The following SLF1 variants were observed in gnomAD, a reference collection of about 807,000 sequenced individuals.
SLF1 encodes the protein SMC5-SMC6 complex localization factor protein 1.
A neutral mutation model predicts 123.0 loss-of-function variants in SLF1; 105 were observed. The observed-to-expected ratio is 0.85, with a 90% CI of 0.73 to 1.00. The LOEUF is 1.00. Ranked by LOEUF, SLF1 falls within the 50% of genes least tolerant of loss-of-function variation. SLF1 has a pLI of 0.00. For synonymous variants in SLF1, 434 were observed against 406.6 expected, an observed-to-expected ratio of 1.07 and a Z score of -0.81; for missense variants, 1,239 against 1,223.0, an observed-to-expected ratio of 1.01 and a Z score of -0.20.
intron 1 of SLF1, among the ~76,000 whole-genome samples, chr5:94,621,644 C>T (rs915733683): frequency 7.9e-5 from 12 of 152,184 alleles, no homozygotes; most frequent in African/African-American, 2.9e-4. Context: ...CCGAAATTAA[C>T]ATCTGCCCAG....
intron 18 of SLF1, among the ~76,000 whole-genome samples, 174 bp downstream of exon 18, chr5:94,689,780 A>G (rs1752874052): frequency 6.6e-6 from 1 of 152,184 alleles, no homozygotes; most frequent in Admixed American, 6.5e-5. Flanking sequence ...TATGCAAAGA[A>G]AGTGATTGTT....
chr5:94,692,361 C>G, intron 20 of SLF1, 105 bp downstream of exon 20: 1 of 1,120,482 alleles, frequency 8.9e-7, no homozygotes, highest in Non-Finnish European at 1.2e-6. Flanking sequence ...AGGAAAGATG[C>G]CTTTATTTCA....
intron 12 of SLF1, among the ~76,000 whole-genome samples, chr5:94,669,636 G>A (rs1750211428): frequency 6.6e-6 from 1 of 151,926 alleles, no homozygotes; most frequent in African/African-American, 2.4e-5. Flanking sequence ...CATCATCACA[G>A]AAAGTTCAGT....
intron 15 of SLF1, among the ~76,000 whole-genome samples, chr5:94,685,789 C>T (rs949117801): frequency 2.1e-4 from 31 of 151,144 alleles, no homozygotes; most frequent in African/African-American, 7.3e-4. Context: ...GAGCCGAGAT[C>T]GCACCACTGC....
chr5:94,641,884 G>A (rs1017291872), intron 4 of SLF1, among the ~76,000 whole-genome samples: 10 of 152,144 alleles, frequency 6.6e-5, no homozygotes, highest in African/African-American at 9.7e-5. Flanking sequence ...GAGGGTTTCC[G>A]GCCTCTCCCC....
In SLF1 at chr5:94,696,114, T is replaced by A. The variant is rs1428325357; in HGVS notation, c.*802T>A. ...ATCTTAATATATAGTATGAATTTACTGAGTAGTAATGTTTTAATTTGCAGT... is the reference window on the plus strand; with the variant it reads ...ATCTTAATATATAGTATGAATTTACAGAGTAGTAATGTTTTAATTTGCAGT... On this transcript the variant is annotated 3_prime_UTR_variant, in exon 21 of 21. Coordinates refer to ENST00000265140, the MANE Select transcript of SLF1 (RefSeq NM_032290.4). 6.6e-6 allele frequency: 1 copy of A among 151,820 alleles called. No homozygotes were observed. Among genetic ancestry groups the A allele is most frequent in the Admixed American group, 6.6e-5 (1 of 15,212 alleles). The allele number at this position is 151,820 out of a possible 1,614,324, so 9.4% of individuals were successfully genotyped here.
intron 8 of SLF1, among the ~76,000 whole-genome samples, chr5:94,654,380 A>T (rs991662093): frequency 8.8e-5 from 13 of 147,080 alleles, no homozygotes; most frequent in Admixed American, 7.7e-4. Flanking sequence ...AGGAGCAAAT[A>T]AAAAGAGTAA....
chr5:94,643,220 C>G, intron 4 of SLF1, 53 bp from the exon 5 acceptor site: 1 of 1,327,450 alleles, frequency 7.5e-7, no homozygotes, highest in Non-Finnish European at 1.0e-6. Context: ...GATAATTTGA[C>G]TAAAGAAACT....
At chr5:94,662,161 A>G (rs1749200658) in intron 9 of SLF1, 137 bp from the exon 10 acceptor site, 2 of 552,606 alleles carry the variant, frequency 3.6e-6, no homozygotes, top group Non-Finnish European at 5.8e-6. Flanking sequence ...GTTTGAGTAA[A>G]TATGAGTATC....
In SLF1 at chr5:94,694,890, T is replaced by TC. The variant is rs1168898633; in HGVS notation, c.2756dup (p.Pro920ThrfsTer34). 2 of 1,609,808 alleles carry TC rather than the reference T, an allele frequency of 1.2e-6. No individual in the cohort carries two copies. The highest frequency in any genetic ancestry group is 2.7e-5 in the African/African-American group (2 of 74,624). On this transcript the variant is annotated frameshift_variant, in exon 21 of 21. Coordinates refer to ENST00000265140, the MANE Select transcript of SLF1 (RefSeq NM_032290.4). LOFTEE classifies it high-confidence loss of function. ...AGAATTGCCCTTGGATTATGTGGTT[T>TC]CACCTCAAATCAAAGAAGAACTGTT... is the stretch of plus-strand genomic sequence containing the variant.
At position 94,654,401 on chromosome 5, in the gene SLF1, A is replaced by G. The variant is rs185665529; in HGVS notation, c.1033-229A>G. Among the ~76,000 whole-genome samples, 1,186 of 151,970 alleles carry G rather than the reference A, an allele frequency of 7.8e-3. 10 individuals carry two copies. The highest frequency in any genetic ancestry group is 0.01 in the Middle Eastern group (3 of 294). On this transcript the variant is annotated intron_variant, in intron 8 of 20. Coordinates refer to ENST00000265140, the MANE Select transcript of SLF1 (RefSeq NM_032290.4). ...AAATAAAAAGAGTAAAAAGAAAAAA[A>G]AAAAAAAAGAAAGTACATATGTAAA...
chr5:94,665,041 A>G (rs1272254978), intron 11 of SLF1, among the ~76,000 whole-genome samples: 1 of 152,216 alleles, frequency 6.6e-6, no homozygotes, highest in Non-Finnish European at 1.5e-5. Context: ...ATAGAAAATA[A>G]TTAATACAAT....
At chr5:94,649,378 G>A (rs1747421755) in intron 5 of SLF1, 76 bp from the exon 6 acceptor site, 1 of 1,221,342 alleles carries the variant, frequency 8.2e-7, no homozygotes, top group African/African-American at 1.5e-5. Flanking sequence ...TATAGTTAAA[G>A]TTGAGTACCA....
At chr5:94,624,691 A>AT (rs897076688) in intron 1 of SLF1, among the ~76,000 whole-genome samples, 5 of 152,054 alleles carry the variant, frequency 3.3e-5, no homozygotes, top group Admixed American at 6.5e-5. Flanking sequence ...TGTTATAACA[A>AT]TTTTTTTATT....
At chr5:94,624,116 T>C (rs936661138) in intron 1 of SLF1, among the ~76,000 whole-genome samples, 1 of 152,200 alleles carries the variant, frequency 6.6e-6, no homozygotes, top group African/African-American at 2.4e-5. Context: ...GCTCAGTTTT[T>C]CTGATAAATT....
At position 94,679,264 on chromosome 5, in the gene SLF1, A is replaced by G. The variant is rs146980164; in HGVS notation, c.1975+309A>G. Among the ~76,000 whole-genome samples, 1,378 of 152,280 alleles carry G rather than the reference A, an allele frequency of 9.0e-3. 14 individuals are homozygous for G. Among genetic ancestry groups the G allele is most frequent in the South Asian group, 0.026 (124 of 4,824 alleles). On this transcript the variant is annotated intron_variant, in intron 15 of 20. Coordinates refer to ENST00000265140, the MANE Select transcript of SLF1 (RefSeq NM_032290.4). ...ATTCTTATTTTCCTCTAAACATTAC[A>G]GGAGACTTCCCCCCACATACATTTA...
intron 3 of SLF1, chr5:94,629,624 T>A (rs1451065800): frequency 1.3e-5 from 2 of 152,504 alleles, no homozygotes; most frequent in Non-Finnish European, 2.9e-5. Context: ...AGACCCAAAT[T>A]AAGACTTAGT....
chr5:94,675,480 A>G (rs892710200), intron 14 of SLF1, among the ~76,000 whole-genome samples: 1 of 152,326 alleles, frequency 6.6e-6, no homozygotes, highest in African/African-American at 2.4e-5. Flanking sequence ...TAAAGCTTAT[A>G]TATCCACTAA....
chr5:94,671,376 TTAG>T (rs954876392), intron 14 of SLF1, among the ~76,000 whole-genome samples: 4 of 151,760 alleles, frequency 2.6e-5, no homozygotes, highest in African/African-American at 9.6e-5. Flanking sequence ...TTAATATTTA[TTAG>T]TATTATTTTA....
Sources: gnomAD v4.1 joint callset for allele counts (sites outside exome capture counted in the v4.1 genomes callset) on GRCh38, gnomAD v4.1.1 for gene constraint, MANE v1.5 for transcripts, NCBI Gene and HGNC (gene_info 2026-07-23, HGNC 2026-07-21) for gene names.